Variants in SEC13 observed in about 807,000 individuals in gnomAD.
SEC13 encodes protein SEC13 homolog.
Under a neutral mutation model 49.2 loss-of-function variants are expected in SEC13, and 25 were observed. That is an observed-to-expected ratio of 0.51 (90% confidence interval 0.37 to 0.71). The LOEUF is 0.71. Among genes scored for constraint, SEC13 ranks in the 30% least tolerant of loss-of-function variants. The pLI is 0.00. For synonymous variants in SEC13, 148 were observed against 163.9 expected (o/e 0.90, Z 0.74); for missense variants, 383 against 417.6 (o/e 0.92, Z 0.72).
At chr3:10,312,877 G>A in intron 3 of SEC13, 147 bp from the exon 4 acceptor site, 2 of 742,778 alleles carry the variant, frequency 2.7e-6, no homozygotes, top group Non-Finnish European at 4.3e-6. Context: ...CATTGCAAAA[G>A]GGGTGCTCAG....
chr3:10,314,856 G>A (rs1356879174), intron 3 of SEC13: 1 of 154,638 alleles, frequency 6.5e-6, no homozygotes, highest in Non-Finnish European at 1.4e-5. Context: ...TGATGCTTTT[G>A]TGACACTTTA....
chr3:10,305,584 A>G lies in SEC13; in HGVS notation c.559T>C (p.Cys187Arg), dbSNP rs1700821312. 1 of 1,614,138 alleles carries G rather than the reference A, an allele frequency of 6.2e-7. No homozygotes were observed. The highest frequency in any genetic ancestry group is 2.2e-5 in the East Asian group (1 of 44,894). Residue 187 changes from cysteine (C) to arginine (R), a missense_variant, in exon 6 of 9, where the codon TGT (cysteine) becomes CGT (arginine). By Grantham distance (180) the Cys-to-Arg change is radical. Transcript: ENST00000350697. ...NYIKRFASGG[C>R]DNLIKLWKEE... ...TTCCACAGCTTGATGAGGTTGTCAC[A>G]GCCACCTGATGCAAACCTCTTGATG...
At chr3:10,306,960 A>G (rs1322912121) in intron 5 of SEC13, among the ~76,000 whole-genome samples, 1 of 152,252 alleles carries the variant, frequency 6.6e-6, no homozygotes, top group Non-Finnish European at 1.5e-5. Context: ...TACAAGGTCA[A>G]AAAGGAAAGG....
intron 8 of SEC13, among the ~76,000 whole-genome samples, chr3:10,303,174 C>T (rs904759772): frequency 3.3e-5 from 5 of 152,192 alleles, no homozygotes; most frequent in African/African-American, 1.2e-4. Flanking sequence ...GACATGGAGC[C>T]AAAGTGGCCA....
At chr3:10,316,792 G>A (rs906845933) in intron 2 of SEC13, among the ~76,000 whole-genome samples, 16 of 152,012 alleles carry the variant, frequency 1.1e-4, no homozygotes, top group South Asian at 4.1e-4. Flanking sequence ...ACCTGAGGTC[G>A]GGAGTTCGAG....
At chr3:10,301,566 C>T (rs144929930) in intron 8 of SEC13, among the ~76,000 whole-genome samples, 192 bp from the exon 9 acceptor site, 82 of 152,336 alleles carry the variant, frequency 5.4e-4, no homozygotes, top group African/African-American at 2.0e-3. Flanking sequence ...AAAGGAGTAA[C>T]AATAACAGCA....
At chr3:10,312,331 G>A (rs1701326254) in intron 4 of SEC13, among the ~76,000 whole-genome samples, 1 of 152,210 alleles carries the variant, frequency 6.6e-6, no homozygotes, top group Non-Finnish European at 1.5e-5. Context: ...AACAATCTGA[G>A]AATGAAGGGT....
chr3:10,305,144 G>A lies in SEC13; in HGVS notation c.597C>T (p.Asp199=), dbSNP rs752161884. 20 of 1,612,202 alleles carry A rather than the reference G, an allele frequency of 1.2e-5. No individual in the cohort carries two copies. The highest frequency in any genetic ancestry group is 1.2e-4 in the Admixed American group (7 of 59,786). The part of the protein sequence containing the change: ...NLIKLWKEEE[D]GQWKEEQKLE... ...GCTTCTGCTCCTCCTTCCACTGGCC[G>A]TCCTCCTCCTCCCTAACAGTGGGGA... Residue 199 remains aspartate (D), a synonymous_variant, in exon 7 of 9, where the codon GAC becomes GAT. Coordinates refer to ENST00000350697, the MANE Select transcript of SEC13 (RefSeq NM_183352.3).
chr3:10,305,251 A>G, intron 6 of SEC13, 95 bp from the exon 7 acceptor site: 1 of 1,470,140 alleles, frequency 6.8e-7, no homozygotes, highest in East Asian at 2.4e-5. Flanking sequence ...TGGAGAAGCG[A>G]TTCCATCTTT....
At chr3:10,312,219 G>T in intron 4 of SEC13, 121 bp from the exon 5 acceptor site, 1 of 1,438,858 alleles carries the variant, frequency 6.9e-7, no homozygotes, top group East Asian at 2.5e-5. Flanking sequence ...GTCACCGGGG[G>T]AAGCTGTAAC....
In SEC13 at chr3:10,304,176, G is replaced by A. The variant is rs778025151; in HGVS notation, c.709-4C>T. 3.1e-6 allele frequency: 5 copies of A among 1,613,840 alleles called. No individual in the cohort carries two copies. Among genetic ancestry groups the A allele is most frequent in the Non-Finnish European group, 4.2e-6 (5 of 1,179,892 alleles). On this transcript the variant is annotated splice_region_variant and splice_polypyrimidine_tract_variant and intron_variant, in intron 7 of 8. Coordinates refer to ENST00000350697, the MANE Select transcript of SEC13 (RefSeq NM_183352.3). ...TCCAAATGAACACACGACCATCCTA[G>A]GAAGAAACAGGATAGAGTCAGGAGG...
chr3:10,307,400 GGT>G (rs1419049980), intron 5 of SEC13, among the ~76,000 whole-genome samples: 4 of 151,866 alleles, frequency 2.6e-5, no homozygotes, highest in African/African-American at 9.7e-5. Flanking sequence ...GTAGCGTCGG[GGT>G]GTGTTAGTCC....
chr3:10,320,418 G>T (rs886775732), intron 1 of SEC13: 1 of 514,808 alleles, frequency 1.9e-6, no homozygotes, highest in Non-Finnish European at 2.5e-6. Flanking sequence ...AATGTACACT[G>T]CAGATGCCAC....
intron 8 of SEC13, 173 bp downstream of exon 8, chr3:10,303,853 T>C: frequency 1.5e-6 from 1 of 683,928 alleles, no homozygotes; most frequent in South Asian, 1.6e-5. Context: ...GTGTTAATAC[T>C]ACCTCAGGGG....
intron 3 of SEC13, chr3:10,314,081 G>C (rs1481988743): frequency 1.3e-5 from 2 of 152,148 alleles, no homozygotes; most frequent in African/African-American, 4.8e-5. Flanking sequence ...ACAGAACTAG[G>C]CTTATAAAGA....
chr3:10,311,591 C>T (rs1701259183), intron 5 of SEC13: 1 of 986,924 alleles, frequency 1.0e-6, no homozygotes, highest in African/African-American at 1.7e-5. Context: ...ATTAATCTTT[C>T]TTAAATGTAT....
Position 10,311,755 on chromosome 3 carries a change from CACA to C in SEC13, c.450+207_450+209del, listed in dbSNP as rs1701270530. ...ACCAGCCCTCCCCTGCTTGGGAGCA[CACA>C]ACAAGGAAGCAGTGCCAAGCCCTGC... On this transcript the variant is annotated intron_variant, in intron 5 of 8. Transcript: ENST00000350697. 10 of 1,409,272 alleles carry C rather than the reference CACA, an allele frequency of 7.1e-6. No individual in the cohort carries two copies. The South Asian group carries it at 1.0e-4, about 15-fold the overall frequency. The allele number at this position is 1,409,272 out of a possible 1,614,324, so 87.3% of individuals were successfully genotyped here.
At chr3:10,320,768 C>A in intron 1 of SEC13, 1 of 1,316,708 alleles carries the variant, frequency 7.6e-7, no homozygotes, top group East Asian at 3.0e-5. Flanking sequence ...CTCTGCTGTT[C>A]CTCGTTTTGT....
At chr3:10,309,185 A>C (rs1701092336) in intron 5 of SEC13, among the ~76,000 whole-genome samples, 1 of 151,872 alleles carries the variant, frequency 6.6e-6, no homozygotes, top group South Asian at 2.1e-4. Flanking sequence ...TGATCCGCCC[A>C]CCTCAGCATC....
Sources: allele counts gnomAD v4.1 joint callset (sites outside exome capture counted in the v4.1 genomes callset), GRCh38; gene constraint gnomAD v4.1.1; transcripts MANE v1.5; gene names NCBI Gene and HGNC (gene_info 2026-07-23, HGNC 2026-07-21).